Variants in PDE4B observed in about 807,000 individuals in gnomAD.
The protein encoded by PDE4B is phosphodiesterase 4B, also known as 3',5'-cyclic-AMP phosphodiesterase 4B.
In PDE4B, 20 loss-of-function variants were observed where a neutral mutation model predicts 82.2. The observed-to-expected ratio is 0.24, with a 90% confidence interval of 0.17 to 0.35. The LOEUF (loss-of-function observed/expected upper bound fraction) is 0.35, where lower values mean the gene tolerates loss of function less well. Among genes scored for constraint, PDE4B ranks in the 10% least tolerant of loss-of-function variants. The pLI is 1.00. For missense variants in PDE4B, 655 were observed against 907.2 expected (o/e 0.72, Z 3.57); for synonymous variants, 320 against 318.9 (o/e 1.00, Z -0.04).
intron 1 of PDE4B, among the ~76,000 whole-genome samples, chr1:65,829,410 G>A (rs1202883003): frequency 6.6e-6 from 1 of 152,038 alleles, no homozygotes; most frequent in Non-Finnish European, 1.5e-5. Flanking sequence ...GGCAAAAATC[G>A]TTAAGGATAT....
chr1:66,281,231 G>A (rs1205808339), intron 7 of PDE4B, among the ~76,000 whole-genome samples: 1 of 152,222 alleles, frequency 6.6e-6, no homozygotes, highest in Non-Finnish European at 1.5e-5. Flanking sequence ...TAAATTTGTT[G>A]ATGGATTACT....
intron 3 of PDE4B, among the ~76,000 whole-genome samples, chr1:66,083,909 A>C (rs552958784): frequency 6.6e-6 from 1 of 152,134 alleles, no homozygotes; most frequent in Non-Finnish European, 1.5e-5. Flanking sequence ...CTTCAGCTAC[A>C]TTGTAGGTAT....
chr1:65,882,678 ATATG>A (rs1158025048), intron 1 of PDE4B, among the ~76,000 whole-genome samples: 2 of 35,004 alleles, frequency 5.7e-5, no homozygotes, highest in Non-Finnish European at 1.3e-4. Context: ...TATTTGAAAA[ATATG>A]TGTGTGTGTG....
At chr1:66,313,852 C>G (rs1658836994) in intron 7 of PDE4B, among the ~76,000 whole-genome samples, 1 of 152,148 alleles carries the variant, frequency 6.6e-6, no homozygotes, top group African/African-American at 2.4e-5. Flanking sequence ...TCGCAGCAAT[C>G]CATGCCTGGG....
chr1:66,258,285 G>T (rs567692296), intron 6 of PDE4B, among the ~76,000 whole-genome samples: 6 of 152,234 alleles, frequency 3.9e-5, no homozygotes, highest in African/African-American at 1.4e-4. Context: ...CCTAATTTTT[G>T]ATTGTCTATA....
chr1:66,186,245 G>T (rs1396516761), intron 3 of PDE4B, among the ~76,000 whole-genome samples: 1 of 152,156 alleles, frequency 6.6e-6, no homozygotes, highest in Non-Finnish European at 1.5e-5. Context: ...TAGCCTCATT[G>T]TATAATTTGA....
intron 1 of PDE4B, among the ~76,000 whole-genome samples, chr1:65,902,101 A>T (rs181801530): frequency 6.6e-6 from 1 of 152,054 alleles, no homozygotes; most frequent in South Asian, 2.1e-4. Context: ...GTTTTGAGAG[A>T]TCTTCATGGT....
At chr1:65,974,600 A>G (rs1292758917) in intron 3 of PDE4B, among the ~76,000 whole-genome samples, 2 of 152,114 alleles carry the variant, frequency 1.3e-5, no homozygotes, top group Non-Finnish European at 2.9e-5. Context: ...CCCTGCCCAA[A>G]TCTCATATTG....
intron 3 of PDE4B, among the ~76,000 whole-genome samples, chr1:65,925,797 G>A (rs1647464794): frequency 6.6e-6 from 1 of 152,116 alleles, no homozygotes; most frequent in Non-Finnish European, 1.5e-5. Context: ...ATTCTATCAG[G>A]TCTCTAGGGG....
chr1:66,277,797 A>T (rs527274907), intron 7 of PDE4B, among the ~76,000 whole-genome samples: 14 of 152,236 alleles, frequency 9.2e-5, no homozygotes, highest in Non-Finnish European at 1.6e-4. Flanking sequence ...AATAATACTC[A>T]GCTCCTGCCC....
chr1:65,805,089 C>T (rs112021757), intron 1 of PDE4B, among the ~76,000 whole-genome samples: 27,137 of 151,380 alleles, frequency 0.18, 3,973 homozygotes, highest in African/African-American at 0.4. Context: ...CTCAGCCTCC[C>T]GAGTAGCTGG....
intron 1 of PDE4B, among the ~76,000 whole-genome samples, chr1:65,819,182 C>CAGGAT (rs1413472539): frequency 2.6e-5 from 4 of 152,266 alleles, no homozygotes; most frequent in Middle Eastern, 6.8e-3. Context: ...CTAAATACAA[C>CAGGAT]AGGATGGGTA....
chr1:65,976,827 C>T (rs1378536436), intron 3 of PDE4B, among the ~76,000 whole-genome samples: 2 of 152,168 alleles, frequency 1.3e-5, no homozygotes, highest in Non-Finnish European at 2.9e-5. Flanking sequence ...AGCAATGCTT[C>T]TTGTACAGCC....
At chr1:66,259,369 A>ATGT (rs1387456949) in intron 6 of PDE4B, among the ~76,000 whole-genome samples, 1 of 152,156 alleles carries the variant, frequency 6.6e-6, no homozygotes, top group Non-Finnish European at 1.5e-5. Context: ...CAATCAGACC[A>ATGT]GGTCTCTAGC....
At chr1:65,977,631 A>G (rs1439254005) in intron 3 of PDE4B, among the ~76,000 whole-genome samples, 1 of 152,230 alleles carries the variant, frequency 6.6e-6, no homozygotes, top group African/African-American at 2.4e-5. Context: ...TACCATAGGG[A>G]AATGGAGATG....
intron 1 of PDE4B, among the ~76,000 whole-genome samples, chr1:65,900,272 T>C (rs1239550820): frequency 6.6e-6 from 1 of 152,050 alleles, no homozygotes; most frequent in Non-Finnish European, 1.5e-5. Context: ...TGGTTGTAGA[T>C]GTGTGGCTTT....
intron 3 of PDE4B, among the ~76,000 whole-genome samples, chr1:66,177,271 G>A (rs1332487474): frequency 6.6e-6 from 1 of 152,178 alleles, no homozygotes; most frequent in African/African-American, 2.4e-5. Flanking sequence ...ACCACAAACT[G>A]GGATGTGAAC....
At position 65,926,128 on chromosome 1, in the gene PDE4B, T is replaced by C. The variant is rs575217536; in HGVS notation, c.281+7293T>C. Among the ~76,000 whole-genome samples the C allele has an allele frequency of 9.8e-5, 15 of 152,316 alleles. No homozygotes were observed. The South Asian group carries it at 3.1e-3, about 32-fold the overall frequency. ...GACCCTCAAGGACATCAGACTAATA[T>C]TAACTTTTACTCTGTGTGGTAAATA... is the stretch of plus-strand genomic sequence containing the variant. On this transcript the variant is annotated intron_variant, in intron 3 of 16. Coordinates refer to ENST00000341517, the MANE Select transcript of PDE4B (RefSeq NM_002600.4).
intron 3 of PDE4B, among the ~76,000 whole-genome samples, chr1:66,142,126 A>G (rs1646184848): frequency 6.6e-6 from 1 of 152,182 alleles, no homozygotes; most frequent in Admixed American, 6.5e-5. Context: ...TAAGTGGAAA[A>G]GGGTCATCAT....
Sources: gnomAD v4.1 joint callset for allele counts (sites outside exome capture counted in the v4.1 genomes callset) on GRCh38, gnomAD v4.1.1 for gene constraint, MANE v1.5 for transcripts, NCBI Gene and HGNC (gene_info 2026-07-23, HGNC 2026-07-21) for gene names.